Variants in NPNT observed in about 807,000 individuals in gnomAD.
The protein encoded by NPNT is preosteoblast EGF-like repeat protein with MAM domain.
NPNT carries 45 observed loss-of-function variants against 68.6 expected under a neutral mutation model. The ratio of observed to expected loss-of-function variants is 0.66; its 90% confidence interval spans 0.52 to 0.84. The LOEUF (loss-of-function observed/expected upper bound fraction) is 0.84. Ranked by LOEUF, NPNT falls within the 40% of genes least tolerant of loss-of-function variation. The pLI, the probability that NPNT is intolerant of heterozygous loss-of-function variation, is 0.00. For synonymous variants in NPNT, 233 were observed against 253.3 expected, an observed-to-expected ratio of 0.92 and a Z score of 0.76; for missense variants, 672 against 714.8, an observed-to-expected ratio of 0.94 and a Z score of 0.68.
rs1725742484 is a variant in NPNT at position 105,895,533 on chromosome 4, C to T, written c.-120C>T. 6.3e-6 allele frequency: 5 copies of T among 799,108 alleles called. No homozygotes were observed. Among genetic ancestry groups the T allele is most frequent in the Non-Finnish European group, 7.8e-6 (4 of 510,826 alleles). 49.5% of individuals were successfully genotyped at this position (799,108 alleles called of 1,614,324 possible). ...GTCCTCCGGGAGCGGCAGCAGTAGC[C>T]CGGGCGGCGAGGGCTGGGGGTTCCT... On this transcript the variant is annotated 5_prime_UTR_variant, in exon 1 of 12. Coordinates refer to ENST00000379987, the MANE Select transcript of NPNT (RefSeq NM_001033047.3).
intron 2 of NPNT, among the ~76,000 whole-genome samples, chr4:105,923,471 C>G (rs963708484): frequency 2.6e-5 from 4 of 152,064 alleles, no homozygotes; most frequent in African/African-American, 9.7e-5. Context: ...CAGACTAAGT[C>G]CAGATTCCAC....
intron 8 of NPNT, among the ~76,000 whole-genome samples, chr4:105,948,083 T>C (rs1730526792): frequency 6.6e-6 from 1 of 152,218 alleles, no homozygotes; most frequent in Non-Finnish European, 1.5e-5. Flanking sequence ...CTGATATTCC[T>C]TCCCCAAATA....
chr4:105,950,881 C>T (rs1190656190), intron 8 of NPNT, among the ~76,000 whole-genome samples: 2 of 152,166 alleles, frequency 1.3e-5, no homozygotes, highest in African/African-American at 4.8e-5. Flanking sequence ...CCTCAGCCAC[C>T]GAAAGTGCTG....
In NPNT at chr4:105,959,034, T is replaced by C; in HGVS notation, c.1253T>C (p.Leu418Pro). 6.2e-7 allele frequency: 1 copy of C among 1,603,402 alleles called. No homozygotes were observed. The highest frequency in any genetic ancestry group is 8.5e-7 in the Non-Finnish European group (1 of 1,170,326). ...DDEAKDDPGV[L>P]VHSCNFDHGL... ...TCTGATTATTTCCTTGTAGGTGTTCTGGTACACAGTTGTAATTTTGACCAT... is the reference window on the plus strand; with the variant it reads ...TCTGATTATTTCCTTGTAGGTGTTCCGGTACACAGTTGTAATTTTGACCAT... Residue 418 changes from leucine to proline, a missense_variant, in exon 10 of 12, where the codon CTG becomes CCG. Leu to Pro is a moderately conservative substitution (Grantham distance 98). Coordinates refer to ENST00000379987, the MANE Select transcript of NPNT (RefSeq NM_001033047.3).
intron 1 of NPNT, among the ~76,000 whole-genome samples, chr4:105,897,091 A>G (rs1725919299): frequency 6.6e-6 from 1 of 152,240 alleles, no homozygotes; most frequent in Non-Finnish European, 1.5e-5. Flanking sequence ...GCAAATTAAA[A>G]TGTTGATACC....
At position 105,940,226 on chromosome 4, in the gene NPNT, A is replaced by G. The variant is rs1729827480; in HGVS notation, c.640+17A>G. The G allele has an allele frequency of 1.9e-6, 3 of 1,610,954 alleles. No homozygotes were observed. The highest frequency in any genetic ancestry group is 2.5e-6 in the Non-Finnish European group (3 of 1,177,958). On this transcript the variant is annotated intron_variant, in intron 6 of 11. Coordinates refer to ENST00000379987, the MANE Select transcript of NPNT (RefSeq NM_001033047.3). Reference sequence around the variant, plus strand: ...AATGTCATGGTAATGAAACCCAACCATTGCTTTGTGTTGTTTCTTCCTAGA... The same window carrying G: ...AATGTCATGGTAATGAAACCCAACCGTTGCTTTGTGTTGTTTCTTCCTAGA...
Position 105,895,684 on chromosome 4 carries a change from C to A in NPNT, c.32C>A (p.Ser11Tyr), listed in dbSNP as rs1725760793. Residue 11 changes from serine (S) to tyrosine (Y), a missense_variant, in exon 1 of 12, where the codon TCC becomes TAC. Physicochemically the swap from Ser to Tyr is moderately radical, Grantham distance 144 (BLOSUM62 -2). Transcript: ENST00000379987. MDFLLALVLV[S>Y]SLYLQAAAEF... ...TTTCTCCTGGCGCTGGTGCTGGTAT[C>A]CTCGCTCTACCTGCAGGCGGCCGCC... 5 of 1,553,764 alleles carry A rather than the reference C, an allele frequency of 3.2e-6. No homozygotes were observed. Among genetic ancestry groups the A allele is most frequent in the Non-Finnish European group, 4.4e-6 (5 of 1,148,228 alleles).
intron 8 of NPNT, among the ~76,000 whole-genome samples, chr4:105,955,051 G>A (rs2149395583): frequency 6.6e-6 from 1 of 152,278 alleles, no homozygotes; most frequent in East Asian, 1.9e-4. Context: ...CAGGATGCAT[G>A]GACAGATGGT....
At chr4:105,896,771 AG>A (rs1725890523) in intron 1 of NPNT, among the ~76,000 whole-genome samples, 1 of 152,152 alleles carries the variant, frequency 6.6e-6, no homozygotes, top group Admixed American at 6.5e-5. Flanking sequence ...GCCAAGAAAA[AG>A]CACAGCTGCT....
At chr4:105,927,149 A>G (rs982027005) in intron 2 of NPNT, 187 bp from the exon 3 acceptor site, 15 of 456,738 alleles carry the variant, frequency 3.3e-5, no homozygotes, top group Non-Finnish European at 5.5e-5. Flanking sequence ...ACACATATAC[A>G]TACATAACAC....
At chr4:105,955,254 C>T (rs1373848408) in intron 8 of NPNT, among the ~76,000 whole-genome samples, 1 of 152,126 alleles carries the variant, frequency 6.6e-6, no homozygotes, top group Non-Finnish European at 1.5e-5. Flanking sequence ...TTAGAAAAAT[C>T]ATGTACCAAT....
At chr4:105,917,874 G>A (rs115120429) in intron 2 of NPNT, among the ~76,000 whole-genome samples, 2 of 152,146 alleles carry the variant, frequency 1.3e-5, no homozygotes, top group African/African-American at 2.4e-5. Flanking sequence ...CATGAAATAT[G>A]GTACTGAATG....
intron 11 of NPNT, among the ~76,000 whole-genome samples, 199 bp from the exon 12 acceptor site, chr4:105,968,696 G>A (rs151013920): frequency 6.6e-6 from 1 of 152,320 alleles, no homozygotes; most frequent in Non-Finnish European, 1.5e-5. Flanking sequence ...GAGTAATGTG[G>A]TCTGATGAAC....
At chr4:105,951,163 T>C (rs556965654) in intron 8 of NPNT, among the ~76,000 whole-genome samples, 8 of 152,292 alleles carry the variant, frequency 5.3e-5, no homozygotes, top group African/African-American at 1.9e-4. Context: ...ATTTAAAATA[T>C]AGCAATTGTG....
At chr4:105,939,179 GA>G (rs1030095795) in intron 5 of NPNT, among the ~76,000 whole-genome samples, 1 of 152,184 alleles carries the variant, frequency 6.6e-6, no homozygotes, top group African/African-American at 2.4e-5. Context: ...AGACAGAAAA[GA>G]AACAAATACC....
chr4:105,967,106 A>C (rs4597836), intron 10 of NPNT, 82 bp from the exon 11 acceptor site: 441,050 of 1,320,596 alleles, frequency 0.33, 67,569 homozygotes, highest in African/African-American at 0.46. Context: ...AAAAAAAAAA[A>C]AAAACTAAAA....
At chr4:105,950,812 A>C (rs1730769387) in intron 8 of NPNT, among the ~76,000 whole-genome samples, 1 of 152,158 alleles carries the variant, frequency 6.6e-6, no homozygotes. Context: ...TAATAGAGAC[A>C]GGGTTTCACC....
At chr4:105,913,407 ATGTG>A in intron 2 of NPNT, among the ~76,000 whole-genome samples, 1 of 152,290 alleles carries the variant, frequency 6.6e-6, no homozygotes, top group Non-Finnish European at 1.5e-5. Flanking sequence ...AAAGAATAGA[ATGTG>A]TGGTTGGCCA....
Position 105,950,627 on chromosome 4 carries a change from G to C in NPNT, c.1160-7844G>C, listed in dbSNP as rs1730750063. Among the ~76,000 whole-genome samples, 2 of 151,848 alleles carry C rather than the reference G, an allele frequency of 1.3e-5. 1 individual carries two copies. Among genetic ancestry groups the C allele is most frequent in the South Asian group, 4.2e-4 (2 of 4,800 alleles). ...TAATTTTTTTTGTAATTTTAATAGA[G>C]ACAGGGATTCACATCTGAGTAGGCA... On this transcript the variant is annotated intron_variant, in intron 8 of 11. Transcript: ENST00000379987.
Sources: allele counts gnomAD v4.1 joint callset (sites outside exome capture counted in the v4.1 genomes callset), GRCh38; gene constraint gnomAD v4.1.1; transcripts MANE v1.5; gene names NCBI Gene and HGNC (gene_info 2026-07-23, HGNC 2026-07-21).